The following BMI1 variants were observed in gnomAD, a reference collection of about 807,000 sequenced individuals.
The protein encoded by BMI1 is polycomb complex protein BMI-1.
Under a neutral mutation model 39.1 loss-of-function variants are expected in BMI1, and 9 were observed. That is an observed-to-expected ratio of 0.23 (90% CI 0.14 to 0.40). The LOEUF (loss-of-function observed/expected upper bound fraction) is 0.40, where lower values mean the gene tolerates loss of function less well. Ranked by LOEUF, BMI1 falls within the 10% of genes least tolerant of loss-of-function variation. The pLI is 1.00. For missense variants in BMI1, 252 were observed against 390.8 expected (o/e 0.64, Z 2.99); for synonymous variants, 131 against 127.9 (o/e 1.02, Z -0.16).
rs1208206039 is a variant in BMI1, at chr10:22,330,458, C to T, written c.*916C>T. The T allele has an allele frequency of 6.6e-6, 1 of 152,430 alleles. No homozygotes were observed. The highest frequency in any genetic ancestry group is 2.4e-5 in the African/African-American group (1 of 41,450). The allele number at this position is 152,430 out of a possible 1,614,324, so 9.4% of individuals were successfully genotyped here. On this transcript the variant is annotated 3_prime_UTR_variant, in exon 10 of 10. Coordinates refer to ENST00000376663, the MANE Select transcript of BMI1 (RefSeq NM_005180.9). ...TCTGTTCCATTAGAAGCAATTGGCA[C>T]ATCTTTCTATACTTTATATACTTTT...
intron 3 of BMI1, 117 bp downstream of exon 3, chr10:22,327,103 T>G: frequency 1.7e-6 from 2 of 1,155,940 alleles, no homozygotes. Flanking sequence ...AACTAATATG[T>G]GTGTGCTTTG....
Position 22,326,941 on chromosome 10 carries a change from T to C in BMI1, c.164T>C (p.Ile55Thr). ...CTGGAGACCAGCAAGTATTGTCCTA[T>C]TTGTGATGTCCAAGTTCACAAGACC... The part of the protein sequence containing the change: ...RYLETSKYCP[I>T]CDVQVHKTRP... The change falls in exon 3 of 10, where the codon ATT becomes ACT. Residue 55 changes from isoleucine to threonine, a missense_variant. Transcript: ENST00000376663. 6.2e-7 allele frequency: 1 copy of C among 1,614,088 alleles called. No individual in the cohort carries two copies. The highest frequency in any genetic ancestry group is 8.5e-7 in the Non-Finnish European group (1 of 1,179,958).
In BMI1 at chr10:22,330,019, A is replaced by G. The variant is rs149457572; in HGVS notation, c.*477A>G. The G allele has an allele frequency of 1.9e-5, 3 of 154,308 alleles. No homozygotes were observed. Among genetic ancestry groups the G allele is most frequent in the South Asian group, 4.1e-4 (2 of 4,928 alleles). The allele number at this position is 154,308 out of a possible 1,614,324, so 9.6% of individuals were successfully genotyped here. A position where few individuals can be genotyped will look rare whatever the true frequency, so the allele number is the denominator to read the frequency against. ...ATAGAATAATGCATTCTATGTAGCC[A>G]TGTCACTGTGAATAACGATTTCTTG... is the stretch of plus-strand genomic sequence containing the variant. On this transcript the variant is annotated 3_prime_UTR_variant, in exon 10 of 10. Transcript: ENST00000376663.
intron 2 of BMI1, 52 bp downstream of exon 2, chr10:22,326,613 A>G (rs754671066): frequency 3.2e-6 from 5 of 1,583,594 alleles, no homozygotes; most frequent in African/African-American, 2.7e-5. Flanking sequence ...TCACAGTTCG[A>G]CCTGGAATTT....
Position 22,328,688 on chromosome 10 carries a change from A to G in BMI1, c.560A>G (p.Asn187Ser), listed in dbSNP as rs1836215903. 2.5e-6 allele frequency: 4 copies of G among 1,588,590 alleles called. No homozygotes were observed. The African/African-American group carries it at 5.4e-5, about 22-fold the overall frequency. Reference protein sequence around the residue: ...KFLRSKMDIPNTFQIDVMYEE... With the variant: ...KFLRSKMDIPSTFQIDVMYEE... ...CTCAGAAGTAAAATGGACATACCTA[A>G]TACTTTCCAGGTATCTACTTTTATA... Residue 187 changes from asparagine (N) to serine (S), a missense_variant, in exon 8 of 10, where the codon AAT becomes AGT. Asn to Ser is a conservative substitution (Grantham distance 46). Around this residue, in one of 4 missense-constraint regions of BMI1, gnomAD observed 27 missense variants for 77.4 expected, o/e 0.35. Transcript: ENST00000376663.
intron 1 of BMI1, among the ~76,000 whole-genome samples, chr10:22,322,359 C>A (rs1032550473): frequency 1.3e-5 from 2 of 152,100 alleles, no homozygotes; most frequent in Admixed American, 1.3e-4. Context: ...GAGAGAGCCC[C>A]GACGAAAATG....
intron 8 of BMI1, 72 bp downstream of exon 8, chr10:22,328,770 T>C (rs1324381519): frequency 1.9e-5 from 28 of 1,456,872 alleles, no homozygotes; most frequent in Non-Finnish European, 1.7e-5. Context: ...CACTTTGGAT[T>C]TTGAACCCAA....
rs945449139 is a variant in BMI1 at position 22,327,863 on chromosome 10, A to T, written c.316+71A>T. ...TTATCTAGGAATTAAAATGTATTAA[A>T]ATTGACTTTACCACTTCCATCCTCT... On this transcript the variant is annotated intron_variant, in intron 5 of 9. Transcript: ENST00000376663. 5.6e-6 allele frequency: 9 copies of T among 1,600,604 alleles called. No individual in the cohort carries two copies. The Admixed American group carries it at 1.6e-4, about 28-fold the overall frequency.
At chr10:22,325,796 C>T (rs1446709238) in intron 1 of BMI1, 1 of 152,044 alleles carries the variant, frequency 6.6e-6, no homozygotes, top group Non-Finnish European at 1.5e-5. Context: ...CCCCGGGCGC[C>T]GCCGGATCCG....
chr10:22,324,576 T>C (rs1836085015), intron 1 of BMI1, among the ~76,000 whole-genome samples: 1 of 152,230 alleles, frequency 6.6e-6, no homozygotes, highest in African/African-American at 2.4e-5. Flanking sequence ...TTTGTTTTGT[T>C]TTTTACCATT....
intron 1 of BMI1, 78 bp from the exon 2 acceptor site, chr10:22,326,353 G>A: frequency 1.9e-6 from 3 of 1,569,506 alleles, no homozygotes; most frequent in South Asian, 1.2e-5. Context: ...TATAAATTCA[G>A]TGTTTCAGGG....
At chr10:22,326,826 C>G (rs896423174) in intron 2 of BMI1, 64 bp from the exon 3 acceptor site, 33 of 1,582,688 alleles carry the variant, frequency 2.1e-5, no homozygotes, top group Non-Finnish European at 2.8e-5. Context: ...TTCTGGGTTT[C>G]TAACACCAAT....
chr10:22,327,699 C>G (rs779179193), intron 4 of BMI1, 43 bp from the exon 5 acceptor site: 1 of 1,612,604 alleles, frequency 6.2e-7, no homozygotes, highest in African/African-American at 1.3e-5. Context: ...TTCATTAGTT[C>G]TTTGTGTTAT....
intron 1 of BMI1, among the ~76,000 whole-genome samples, chr10:22,321,929 C>T (rs1836012695): frequency 6.9e-6 from 1 of 144,736 alleles, no homozygotes; most frequent in South Asian, 2.1e-4. Context: ...CGCCGCCCGC[C>T]GACTCCCGCG....
In BMI1 at chr10:22,327,981, G is replaced by A. The variant is rs1314668962; in HGVS notation, c.348G>A (p.Glu116=). 5.6e-6 allele frequency: 9 copies of A among 1,610,224 alleles called. No homozygotes were observed. The highest frequency in any genetic ancestry group is 7.6e-6 in the Non-Finnish European group (9 of 1,178,766). Residue 116 remains glutamate, a synonymous_variant, in exon 6 of 10, where the codon GAG becomes GAA. Coordinates refer to ENST00000376663, the MANE Select transcript of BMI1 (RefSeq NM_005180.9). ...AANGSNEDRG[E]VADEDKRIIT... is the part of the protein sequence containing the mutation. ...ATGGCTCTAATGAAGATAGAGGAGAGGTTGCAGATGAAGATAAGAGAATTA... is the reference window on the plus strand; with the variant it reads ...ATGGCTCTAATGAAGATAGAGGAGAAGTTGCAGATGAAGATAAGAGAATTA...
At position 22,327,914 on chromosome 10, in the gene BMI1, G is replaced by A. The variant is rs1588620930; in HGVS notation, c.317-36G>A. ...TATATATAAAATTTATTAGGCATCT[G>A]ATTTTTAAAAATTACATTTCACTAT... is the stretch of plus-strand genomic sequence containing the variant. On this transcript the variant is annotated intron_variant, in intron 5 of 9. Transcript: ENST00000376663. 9.5e-6 allele frequency: 15 copies of A among 1,581,980 alleles called. No homozygotes were observed. The Middle Eastern group carries it at 5.2e-4, about 55-fold the overall frequency.
Position 22,326,441 on chromosome 10 carries a change from C to G in BMI1, c.-9C>G. The G allele has an allele frequency of 6.2e-7, 1 of 1,612,446 alleles. No homozygotes were observed. The highest frequency in any genetic ancestry group is 8.5e-7 in the Non-Finnish European group (1 of 1,179,964). ...TTCTGTGTCTTGCAGGATTTTTTAT[C>G]AAGCAGAAATGCATCGAACAACGAG... On this transcript the variant is annotated 5_prime_UTR_variant, in exon 2 of 10. It adds an upstream start codon to the 5' untranslated region. Transcript: ENST00000376663.
Position 22,328,134 on chromosome 10 carries a change from A to G in BMI1, c.426A>G (p.Arg142=), listed in dbSNP as rs1438239637. 1.9e-6 allele frequency: 3 copies of G among 1,600,410 alleles called. No homozygotes were observed. The change falls in exon 7 of 10, where the codon AGA becomes AGG. Residue 142 remains arginine (R), a splice_region_variant and synonymous_variant. Coordinates refer to ENST00000376663, the MANE Select transcript of BMI1 (RefSeq NM_005180.9). ...SLSIEFFDQN[R]LDRKVNKDKE... ...CACTAATAAATTTTCTCTTTATTAGATTGGATCGGAAAGTAAACAAAGACA... is the reference window on the plus strand; with the variant it reads ...CACTAATAAATTTTCTCTTTATTAGGTTGGATCGGAAAGTAAACAAAGACA...
rs573475997 is a variant in BMI1 at position 22,326,525 on chromosome 10, A to G, written c.76A>G (p.Ile26Val). The G allele has an allele frequency of 1.2e-6, 2 of 1,612,796 alleles. No individual in the cohort carries two copies. Among genetic ancestry groups the G allele is most frequent in the East Asian group, 2.2e-5 (1 of 44,778 alleles). The change falls in exon 2 of 10, where the codon ATT (isoleucine) becomes GTT (valine). Residue 26 changes from isoleucine to valine, a missense_variant. Around this residue, in one of 4 missense-constraint regions of BMI1, gnomAD observed 62 missense variants for 123.3 expected, o/e 0.50. Transcript: ENST00000376663. Reference sequence around the variant, plus strand: ...GTGTGTGCTTTGTGGAGGGTACTTCATTGATGCCACAACCATAATAGAATG... The same window carrying G: ...GTGTGTGCTTTGTGGAGGGTACTTCGTTGATGCCACAACCATAATAGAATG... ...LMCVLCGGYF[I>V]DATTIIECLH...
Sources: allele counts gnomAD v4.1 joint callset (sites outside exome capture counted in the v4.1 genomes callset), GRCh38; gene constraint gnomAD v4.1.1; regional missense constraint gnomAD v4.1.1; transcripts MANE v1.5; gene names NCBI Gene and HGNC (gene_info 2026-07-23, HGNC 2026-07-21).